Variants in SPIDR observed in about 807,000 individuals in gnomAD.
SPIDR encodes DNA repair-scaffolding protein.
A neutral mutation model predicts 104.6 loss-of-function variants in SPIDR; 93 were observed. That is an observed-to-expected ratio of 0.89 (90% CI 0.75 to 1.06). The LOEUF (loss-of-function observed/expected upper bound fraction) is 1.06. Among genes scored for constraint, SPIDR ranks in the 50% least tolerant of loss-of-function variants. The pLI, the probability that SPIDR is intolerant of heterozygous loss-of-function variation, is 0.00. For missense variants in SPIDR, 1,154 were observed against 1,111.2 expected, an observed-to-expected ratio of 1.04 and a Z score of -0.55; for synonymous variants, 431 against 416.9, an observed-to-expected ratio of 1.03 and a Z score of -0.41.
At chr8:47,633,450 G>C (rs1016781163) in intron 10 of SPIDR, among the ~76,000 whole-genome samples, 1 of 150,716 alleles carries the variant, frequency 6.6e-6, no homozygotes, top group Admixed American at 6.7e-5. Context: ...CAAGGAGAAT[G>C]TTCTCACCTG....
chr8:47,502,567 G>A lies in SPIDR; in HGVS notation c.1097+62025G>A, dbSNP rs528236268. Among the ~76,000 whole-genome samples, 3 of 152,084 alleles carry A rather than the reference G, an allele frequency of 2.0e-5. No individual in the cohort carries two copies. The South Asian group carries it at 6.2e-4, about 32-fold the overall frequency. On this transcript the variant is annotated intron_variant, in intron 8 of 19. Transcript: ENST00000297423. The stretch of plus-strand genomic sequence containing the variant: ...GTCTTGCTAGCAGTCTATGAATTTT[G>A]TTGATCTTTTCAAAACCCAGCTCCT...
intron 8 of SPIDR, among the ~76,000 whole-genome samples, chr8:47,552,062 C>T (rs889618301): frequency 6.6e-5 from 10 of 152,154 alleles, no homozygotes; most frequent in African/African-American, 1.2e-4. Context: ...TTGTTCAGTT[C>T]CCATGTAGTA....
intron 11 of SPIDR, among the ~76,000 whole-genome samples, chr8:47,696,007 C>T (rs2079282530): frequency 6.6e-6 from 1 of 152,176 alleles, no homozygotes; most frequent in Non-Finnish European, 1.5e-5. Flanking sequence ...CCAGGACTTG[C>T]CCCATCCTCA....
At chr8:47,691,906 C>T (rs1001419009) in intron 11 of SPIDR, among the ~76,000 whole-genome samples, 1 of 152,212 alleles carries the variant, frequency 6.6e-6, no homozygotes, top group African/African-American at 2.4e-5. Context: ...CTGTGCTGCT[C>T]CTGGGCTCTG....
intron 5 of SPIDR, among the ~76,000 whole-genome samples, chr8:47,323,676 A>G (rs1275503661): frequency 2.0e-5 from 3 of 152,140 alleles, no homozygotes; most frequent in Non-Finnish European, 4.4e-5. Context: ...AAGATTGGTG[A>G]GTCATGGCAC....
At chr8:47,283,561 C>G (rs1174600034) in intron 2 of SPIDR, among the ~76,000 whole-genome samples, 1 of 152,122 alleles carries the variant, frequency 6.6e-6, no homozygotes, top group Non-Finnish European at 1.5e-5. Context: ...TTGCTTGACA[C>G]AGGATTGCCA....
intron 5 of SPIDR, among the ~76,000 whole-genome samples, chr8:47,298,304 T>G (rs1469895625): frequency 6.6e-6 from 1 of 152,218 alleles, no homozygotes; most frequent in Non-Finnish European, 1.5e-5. Flanking sequence ...TTGATGGGGT[T>G]GTTTTTTTCT....
chr8:47,681,371 T>G (rs1241402429), intron 11 of SPIDR, among the ~76,000 whole-genome samples: 1 of 152,166 alleles, frequency 6.6e-6, no homozygotes, highest in Non-Finnish European at 1.5e-5. Context: ...GCATCCGGAT[T>G]GCGATTTTTT....
At chr8:47,499,891 T>C (rs1330833438) in intron 8 of SPIDR, among the ~76,000 whole-genome samples, 1 of 151,528 alleles carries the variant, frequency 6.6e-6, no homozygotes, top group African/African-American at 2.4e-5. Flanking sequence ...GAACATGCAG[T>C]GTTTGGTTTT....
chr8:47,586,431 G>T (rs1384859292), intron 8 of SPIDR, among the ~76,000 whole-genome samples: 2 of 152,102 alleles, frequency 1.3e-5, no homozygotes, highest in Admixed American at 1.3e-4. Flanking sequence ...ATTATGTTTT[G>T]TTTTAGCCAT....
chr8:47,509,764 A>G (rs879780088), intron 8 of SPIDR, among the ~76,000 whole-genome samples: 1 of 152,240 alleles, frequency 6.6e-6, no homozygotes, highest in Non-Finnish European at 1.5e-5. Context: ...AACTAGGTCT[A>G]CAACGTATAT....
intron 8 of SPIDR, among the ~76,000 whole-genome samples, chr8:47,486,110 G>A (rs1259967694): frequency 1.3e-5 from 2 of 152,166 alleles, no homozygotes; most frequent in African/African-American, 4.8e-5. Context: ...CTTGAAAAAA[G>A]ATTAGACGAA....
intron 3 of SPIDR, among the ~76,000 whole-genome samples, chr8:47,289,271 G>C (rs2039461539): frequency 1.3e-5 from 2 of 151,970 alleles, no homozygotes; most frequent in Admixed American, 1.3e-4. Context: ...GAGGGGTTCT[G>C]TAAATATGTA....
At chr8:47,503,041 A>T (rs1476764608) in intron 8 of SPIDR, among the ~76,000 whole-genome samples, 1 of 152,166 alleles carries the variant, frequency 6.6e-6, no homozygotes, top group African/African-American at 2.4e-5. Context: ...TTTGCTGAGG[A>T]GTGCTTTACT....
intron 16 of SPIDR, among the ~76,000 whole-genome samples, chr8:47,718,419 C>T (rs757540349): frequency 2.6e-5 from 4 of 151,708 alleles, no homozygotes; most frequent in Admixed American, 6.6e-5. Flanking sequence ...GTGGGATCAA[C>T]GTTTCTGACT....
chr8:47,301,590 T>C (rs2042097723), intron 5 of SPIDR, among the ~76,000 whole-genome samples: 1 of 148,464 alleles, frequency 6.7e-6, no homozygotes, highest in South Asian at 2.2e-4. Context: ...TACTGGTTGT[T>C]CCTTTCCATG....
At chr8:47,306,416 C>T (rs1391699530) in intron 5 of SPIDR, among the ~76,000 whole-genome samples, 1 of 152,224 alleles carries the variant, frequency 6.6e-6, no homozygotes, top group Non-Finnish European at 1.5e-5. Context: ...GCTGGGGTTA[C>T]AGGCATGAGC....
intron 11 of SPIDR, among the ~76,000 whole-genome samples, chr8:47,687,121 A>G (rs1044209053): frequency 3.3e-5 from 5 of 152,216 alleles, no homozygotes; most frequent in Non-Finnish European, 5.9e-5. Context: ...GCCACCAACA[A>G]CGGAGTGGGT....
At chr8:47,455,023 C>T (rs374291736) in intron 8 of SPIDR, among the ~76,000 whole-genome samples, 45 of 152,148 alleles carry the variant, frequency 3.0e-4, no homozygotes, top group African/African-American at 1.1e-3. Context: ...TACTAAACAG[C>T]AATTTGAAGC....
Sources: gnomAD v4.1 joint callset for allele counts (sites outside exome capture counted in the v4.1 genomes callset) on GRCh38, gnomAD v4.1.1 for gene constraint, MANE v1.5 for transcripts, NCBI Gene and HGNC (gene_info 2026-07-23, HGNC 2026-07-21) for gene names.